The following PARD3B variants were observed in gnomAD, a reference collection of about 807,000 sequenced individuals.
PARD3B encodes partitioning defective 3 homolog B.
Under a neutral mutation model 130.2 loss-of-function variants are expected in PARD3B, and 103 were observed. The observed-to-expected ratio is 0.79, with a 90% CI of 0.67 to 0.93. The LOEUF (loss-of-function observed/expected upper bound fraction) is 0.93. Among genes scored for constraint, PARD3B ranks in the 40% least tolerant of loss-of-function variants. The pLI, the probability that PARD3B is intolerant of heterozygous loss-of-function variation, is 0.00. For missense variants in PARD3B, 1,609 were observed against 1,499.2 expected, an observed-to-expected ratio of 1.07 and a Z score of -1.21; for synonymous variants, 583 against 553.2, an observed-to-expected ratio of 1.05 and a Z score of -0.76.
chr2:205,605,997 G>A (rs1215862052), intron 22 of PARD3B, among the ~76,000 whole-genome samples: 1 of 152,074 alleles, frequency 6.6e-6, no homozygotes, highest in African/African-American at 2.4e-5. Flanking sequence ...GGATGGATCA[G>A]GGTCCAGCCT....
At position 205,121,790 on chromosome 2, in the gene PARD3B, A is replaced by T. The variant is rs1219420092; in HGVS notation, c.1006A>T (p.Thr336Ser). The T allele has an allele frequency of 6.2e-7, 1 of 1,614,182 alleles. No individual in the cohort carries two copies. Among genetic ancestry groups the T allele is most frequent in the Admixed American group, 1.7e-5 (1 of 60,018 alleles). Residue 336 changes from threonine to serine, a missense_variant, in exon 8 of 23, where the codon ACC becomes TCC. Thr to Ser is a moderately conservative substitution (Grantham distance 58). Transcript: ENST00000406610. The surrounding 1 kb of genome is among the most constrained non-coding windows in gnomAD (Gnocchi z 5.0). The part of the protein sequence containing the change: ...SGLKTANLTG[T>S]DSPETDASAS... ...ACTAAAGACAGCAAATCTCACAGGAACCGATAGTCCTGAAACAGATGCATC... is the reference window on the plus strand; with the variant it reads ...ACTAAAGACAGCAAATCTCACAGGATCCGATAGTCCTGAAACAGATGCATC...
chr2:205,411,635 G>T (rs865840035), intron 19 of PARD3B, among the ~76,000 whole-genome samples: 2 of 152,160 alleles, frequency 1.3e-5, no homozygotes, highest in East Asian at 1.9e-4. Flanking sequence ...AGCCTAGAAT[G>T]CTCTGAGACA....
chr2:205,489,146 C>G (rs188351545), intron 20 of PARD3B, among the ~76,000 whole-genome samples: 1 of 152,202 alleles, frequency 6.6e-6, no homozygotes, highest in East Asian at 1.9e-4. Flanking sequence ...TTTTAAGAAA[C>G]CAAAATTATC....
chr2:205,472,865 A>G (rs908731589), intron 20 of PARD3B, among the ~76,000 whole-genome samples: 9 of 152,124 alleles, frequency 5.9e-5, no homozygotes, highest in African/African-American at 2.2e-4. Flanking sequence ...GGGAAGTTGT[A>G]TAGAGGGGGG....
Position 205,176,663 on chromosome 2 carries a change from AAGGGGAGTT to A in PARD3B, c.1924+88_1924+96del. The stretch of plus-strand genomic sequence containing the variant: ...TATCTAAAAAAAAAAAAAAAGAGTA[AAGGGGAGTT>A]AATTAGACTAAGTGCAGACTTTGTT... On this transcript the variant is annotated intron_variant, in intron 13 of 22. Coordinates refer to ENST00000406610, the MANE Select transcript of PARD3B (RefSeq NM_001302769.2). This position sits in a 1 kb window ranked among gnomAD's most constrained non-coding sequence, Gnocchi z 5.3. 1 of 1,347,038 alleles carries A rather than the reference AAGGGGAGTT, an allele frequency of 7.4e-7. No homozygotes were observed. The highest frequency in any genetic ancestry group is 9.9e-7 in the Non-Finnish European group (1 of 1,005,460). 83.4% of individuals were successfully genotyped at this position (1,347,038 alleles called of 1,614,324 possible). A position where few individuals can be genotyped will look rare whatever the true frequency, so the allele number is the denominator to read the frequency against.
chr2:205,548,265 G>T (rs1559203850), intron 21 of PARD3B, among the ~76,000 whole-genome samples: 1 of 151,974 alleles, frequency 6.6e-6, no homozygotes, highest in Non-Finnish European at 1.5e-5. Context: ...TATGCTGAAC[G>T]TTTCCCAATA....
chr2:204,930,823 C>A (rs1301196297), intron 2 of PARD3B, among the ~76,000 whole-genome samples: 2 of 152,080 alleles, frequency 1.3e-5, no homozygotes. Context: ...CTGCAGTTGT[C>A]TTTATTCCTC....
intron 20 of PARD3B, among the ~76,000 whole-genome samples, chr2:205,457,083 A>T (rs922579392): frequency 1.3e-5 from 2 of 151,652 alleles, no homozygotes; most frequent in Non-Finnish European, 2.9e-5. Flanking sequence ...TTCTTTAAAC[A>T]TTTGTTAGAA....
chr2:204,847,164 T>G (rs1163835658), intron 2 of PARD3B, among the ~76,000 whole-genome samples: 1 of 141,310 alleles, frequency 7.1e-6, no homozygotes, highest in Non-Finnish European at 1.5e-5. Flanking sequence ...TTCTGTAACT[T>G]TCTTTCTTTT....
intron 18 of PARD3B, among the ~76,000 whole-genome samples, chr2:205,334,536 G>C (rs1172729716): frequency 1.3e-5 from 2 of 152,096 alleles, no homozygotes; most frequent in East Asian, 1.9e-4. Context: ...AACCTCAAAG[G>C]GTATTTGTAT....
At position 204,606,529 on chromosome 2, in the gene PARD3B, A is replaced by G. The variant is rs2033731760; in HGVS notation, c.120+60410A>G. On this transcript the variant is annotated intron_variant, in intron 1 of 22. Coordinates refer to ENST00000406610, the MANE Select transcript of PARD3B (RefSeq NM_001302769.2). The surrounding 1 kb of genome is among the most constrained non-coding windows in gnomAD (Gnocchi z 4.0). Reference sequence around the variant, plus strand: ...TTAAAGCTTCTGCACAGAGAGACCCATGTTACTTCTGCTCACATTTCGTTG... The same window carrying G: ...TTAAAGCTTCTGCACAGAGAGACCCGTGTTACTTCTGCTCACATTTCGTTG... 6.6e-6 allele frequency among the ~76,000 whole-genome samples: 1 copy of G among 152,150 alleles called. No homozygotes were observed. Among genetic ancestry groups the G allele is most frequent in the South Asian group, 2.1e-4 (1 of 4,834 alleles).
chr2:204,552,882 G>A lies in PARD3B; in HGVS notation c.120+6763G>A, dbSNP rs115649383. ...ATGGGCCTATTTTTATACTAGTACCGTGCTGTTTGGTGACTATGGTCTTAT... is the reference window on the plus strand; with the variant it reads ...ATGGGCCTATTTTTATACTAGTACCATGCTGTTTGGTGACTATGGTCTTAT... On this transcript the variant is annotated intron_variant, in intron 1 of 22. Coordinates refer to ENST00000406610, the MANE Select transcript of PARD3B (RefSeq NM_001302769.2). Among the ~76,000 whole-genome samples the A allele has an allele frequency of 6.7e-3, 1,018 of 152,132 alleles. 8 individuals carry two copies. The highest frequency in any genetic ancestry group is 0.023 in the African/African-American group (966 of 41,492).
intron 1 of PARD3B, among the ~76,000 whole-genome samples, chr2:204,546,345 G>C (rs2125036815): frequency 6.6e-6 from 1 of 152,252 alleles, no homozygotes; most frequent in African/African-American, 2.4e-5. Context: ...GAATCTCTTG[G>C]GAGCTTCTTA....
At chr2:204,552,953 A>C (rs1278156390) in intron 1 of PARD3B, among the ~76,000 whole-genome samples, 1 of 152,246 alleles carries the variant, frequency 6.6e-6, no homozygotes, top group African/African-American at 2.4e-5. Flanking sequence ...AGGAACAGTC[A>C]GCAGTGTAAA....
chr2:204,546,976 C>T (rs2030005320), intron 1 of PARD3B, among the ~76,000 whole-genome samples: 1 of 152,152 alleles, frequency 6.6e-6, no homozygotes, highest in Admixed American at 6.5e-5. Flanking sequence ...CATTGAATAA[C>T]CTTTTAATTT....
intron 3 of PARD3B, among the ~76,000 whole-genome samples, chr2:204,978,981 A>T (rs1692430116): frequency 6.6e-6 from 1 of 151,636 alleles, no homozygotes; most frequent in Admixed American, 6.6e-5. Context: ...AAAAAAAAAA[A>T]AAAAAGACAG....
chr2:205,532,365 G>C (rs867014005), intron 21 of PARD3B, among the ~76,000 whole-genome samples: 1 of 152,152 alleles, frequency 6.6e-6, no homozygotes, highest in African/African-American at 2.4e-5. Flanking sequence ...ACTGTTATAA[G>C]TTCTTTGTTT....
intron 20 of PARD3B, among the ~76,000 whole-genome samples, chr2:205,488,678 T>C (rs902422125): frequency 2.0e-5 from 3 of 152,154 alleles, no homozygotes; most frequent in African/African-American, 7.2e-5. Flanking sequence ...AACGCTGAAA[T>C]GATGTTCAGC....
chr2:204,699,223 C>T (rs538889523), intron 2 of PARD3B, among the ~76,000 whole-genome samples: 1 of 152,160 alleles, frequency 6.6e-6, no homozygotes, highest in South Asian at 2.1e-4. Context: ...TCCCAGGGAG[C>T]CCTGGGCCCC....
Sources: gnomAD v4.1 joint callset for allele counts (sites outside exome capture counted in the v4.1 genomes callset) on GRCh38, gnomAD v4.1.1 for gene constraint, Gnocchi (gnomAD v3.1) non-coding constraint, MANE v1.5 for transcripts, NCBI Gene and HGNC (gene_info 2026-07-23, HGNC 2026-07-21) for gene names.